ART3: variants seen among roughly 807,000 people sequenced by gnomAD.
The protein encoded by ART3 is ecto-ADP-ribosyltransferase 3.
Under a neutral mutation model 48.5 loss-of-function variants are expected in ART3, and 49 were observed. That is an observed-to-expected ratio of 1.01 (90% confidence interval 0.80 to 1.28). ART3 has a LOEUF of 1.28. Ranked by LOEUF, ART3 falls within the 50% of genes most tolerant of loss-of-function variation. The pLI, the probability that ART3 is intolerant of heterozygous loss-of-function variation, is 0.00. For missense variants in ART3, 438 were observed against 454.3 expected (o/e 0.96, Z 0.33); for synonymous variants, 145 against 157.2 (o/e 0.92, Z 0.58).
intron 3 of ART3, among the ~76,000 whole-genome samples, chr4:76,096,972 A>G (rs1242306835): frequency 6.6e-6 from 1 of 152,220 alleles, no homozygotes; most frequent in Non-Finnish European, 1.5e-5. Flanking sequence ...GACGTTTAGT[A>G]TCTGAAGAGA....
chr4:76,103,449 T>G (rs924596686), intron 8 of ART3, among the ~76,000 whole-genome samples: 2 of 152,164 alleles, frequency 1.3e-5, no homozygotes, highest in Admixed American at 6.6e-5. Context: ...ATTGAGTACC[T>G]TTTTTCGCTC....
At position 76,107,757 on chromosome 4, in the gene ART3, T is replaced by C. The variant is rs763747966; in HGVS notation, c.1004-4T>C. On this transcript the variant is annotated splice_region_variant and splice_polypyrimidine_tract_variant and intron_variant, in intron 10 of 11. Transcript: ENST00000355810. ...AACTAACTCAAAATCTCTTTATATT[T>C]TAGAAGATAAAAGTCAAGGAAATAT... The C allele has an allele frequency of 7.0e-7, 1 of 1,432,518 alleles. No individual in the cohort carries two copies. The allele number at this position is 1,432,518 out of a possible 1,614,324, so 88.7% of individuals were successfully genotyped here.
intron 1 of ART3, among the ~76,000 whole-genome samples, chr4:76,027,160 G>A (rs1733466010): frequency 2.0e-5 from 3 of 152,180 alleles, no homozygotes; most frequent in African/African-American, 7.2e-5. Flanking sequence ...GGCTGAGGCA[G>A]GAGAATCACT....
chr4:76,079,556 G>A (rs939895926), intron 2 of ART3, among the ~76,000 whole-genome samples: 7 of 152,134 alleles, frequency 4.6e-5, no homozygotes, highest in African/African-American at 1.4e-4. Flanking sequence ...AACTGCCTGG[G>A]GAGCGTAGAG....
intron 3 of ART3, among the ~76,000 whole-genome samples, chr4:76,086,672 T>C (rs934624295): frequency 6.6e-6 from 1 of 152,264 alleles, no homozygotes; most frequent in Non-Finnish European, 1.5e-5. Flanking sequence ...ACCATTTTAC[T>C]ATCCATATGT....
At chr4:76,030,124 T>G (rs1357077895) in intron 1 of ART3, among the ~76,000 whole-genome samples, 2 of 152,200 alleles carry the variant, frequency 1.3e-5, no homozygotes, top group Non-Finnish European at 2.9e-5. Flanking sequence ...TGACGCGATC[T>G]CGGCTCACTG....
chr4:76,035,387 C>T (rs1268088946), intron 1 of ART3: 4 of 1,598,888 alleles, frequency 2.5e-6, no homozygotes, highest in Non-Finnish European at 3.4e-6. Context: ...CTGATTGCAA[C>T]AGATGGCTGT....
intron 1 of ART3, among the ~76,000 whole-genome samples, chr4:76,042,624 G>A (rs1033318369): frequency 3.3e-5 from 5 of 152,104 alleles, no homozygotes; most frequent in South Asian, 2.1e-4. Context: ...AAGGTGGCGC[G>A]TCTGGAGTTT....
At chr4:76,108,896 G>T (rs1279035941) in intron 11 of ART3, among the ~76,000 whole-genome samples, 1 of 152,010 alleles carries the variant, frequency 6.6e-6, no homozygotes, top group Non-Finnish European at 1.5e-5. Flanking sequence ...GAAAAGTTAT[G>T]GTAAAAATAT....
intron 3 of ART3, among the ~76,000 whole-genome samples, chr4:76,082,856 C>T (rs1340258326): frequency 6.6e-6 from 1 of 152,048 alleles, no homozygotes; most frequent in Non-Finnish European, 1.5e-5. Flanking sequence ...CTACTGACAT[C>T]TAATGGGTAG....
chr4:76,056,357 G>A (rs1718687096), intron 1 of ART3, among the ~76,000 whole-genome samples: 1 of 152,146 alleles, frequency 6.6e-6, no homozygotes, highest in African/African-American at 2.4e-5. Flanking sequence ...CTCTACCTGT[G>A]GGGTCTTCCC....
At chr4:76,045,308 G>A (rs1439105759) in intron 1 of ART3, among the ~76,000 whole-genome samples, 2 of 152,004 alleles carry the variant, frequency 1.3e-5, no homozygotes, top group Non-Finnish European at 2.9e-5. Flanking sequence ...GCAGGGTTGA[G>A]GGCCACGCAC....
At chr4:76,022,438 T>G in intron 1 of ART3, 1 of 1,613,128 alleles carries the variant, frequency 6.2e-7, no homozygotes, top group Non-Finnish European at 8.5e-7. Flanking sequence ...CTTCTCACCC[T>G]TCTTTTTCAT....
intron 1 of ART3, chr4:76,034,795 A>T (rs1431333090): frequency 1.9e-6 from 3 of 1,545,502 alleles, no homozygotes; most frequent in South Asian, 2.3e-5. Flanking sequence ...TGATATTTTT[A>T]AAAATTCTTT....
chr4:76,040,437 T>TACACACACACACACGCACACAC (rs1553926409), intron 1 of ART3, among the ~76,000 whole-genome samples: 53 of 88,494 alleles, frequency 6.0e-4, no homozygotes, highest in Middle Eastern at 5.6e-3. Context: ...ATACACTGGA[T>TACACACACACACACGCACACAC]ACACACACAC....
chr4:76,105,366 C>A (rs1728239027), intron 10 of ART3, among the ~76,000 whole-genome samples: 1 of 152,166 alleles, frequency 6.6e-6, no homozygotes, highest in African/African-American at 2.4e-5. Context: ...ACTTTCTACG[C>A]CCCTGCTTTC....
chr4:76,037,969 C>T (rs1016081481), intron 1 of ART3, among the ~76,000 whole-genome samples: 4 of 151,784 alleles, frequency 2.6e-5, no homozygotes, highest in African/African-American at 9.7e-5. Context: ...AGATATAATC[C>T]TGCATTTAAA....
chr4:76,032,365 C>T (rs1407171905), intron 1 of ART3, among the ~76,000 whole-genome samples: 1 of 151,882 alleles, frequency 6.6e-6, no homozygotes. Flanking sequence ...TGCCACCATA[C>T]CCAGCTAATT....
chr4:76,039,241 A>G (rs1734728963), intron 1 of ART3, among the ~76,000 whole-genome samples: 1 of 152,044 alleles, frequency 6.6e-6, no homozygotes, highest in Admixed American at 6.6e-5. Flanking sequence ...CTGGGATTAC[A>G]GGCATGTGTT....
Sources: allele counts gnomAD v4.1 joint callset (sites outside exome capture counted in the v4.1 genomes callset), GRCh38; gene constraint gnomAD v4.1.1; transcripts MANE v1.5; gene names NCBI Gene and HGNC (gene_info 2026-07-23, HGNC 2026-07-21).